Variants in NVL observed in about 807,000 individuals in gnomAD.
NVL encodes the protein nuclear valosin-containing protein-like.
In NVL, 84 loss-of-function variants were observed where a neutral mutation model predicts 110.2. The observed-to-expected ratio is 0.76, with a 90% CI of 0.64 to 0.91. The LOEUF is 0.91. Ranked by LOEUF, NVL falls within the 40% of genes least tolerant of loss-of-function variation. The pLI, the probability that NVL is intolerant of heterozygous loss-of-function variation, is 0.00. For synonymous variants in NVL, 354 were observed against 361.1 expected (o/e 0.98, Z 0.22); for missense variants, 882 against 1,035.9 (o/e 0.85, Z 2.04).
intron 17 of NVL, among the ~76,000 whole-genome samples, chr1:224,271,287 G>A (rs779011908): frequency 1.3e-5 from 2 of 152,130 alleles, no homozygotes; most frequent in Non-Finnish European, 2.9e-5. Flanking sequence ...GAGGCCAGAA[G>A]TTCAATACAA....
At chr1:224,229,414 ATC>A (rs1422071558) in intron 22 of NVL, among the ~76,000 whole-genome samples, 1 of 152,086 alleles carries the variant, frequency 6.6e-6, no homozygotes, top group Admixed American at 6.6e-5. Flanking sequence ...GTGTAGTAGA[ATC>A]TCACTGTGGT....
chr1:224,311,350 G>A (rs1669502546), intron 5 of NVL, among the ~76,000 whole-genome samples: 1 of 150,292 alleles, frequency 6.7e-6, no homozygotes, highest in Non-Finnish European at 1.5e-5. Context: ...CGTGAGCCAC[G>A]ACAGCTAGCC....
chr1:224,269,286 A>G (rs908965353), intron 17 of NVL, among the ~76,000 whole-genome samples: 10 of 151,156 alleles, frequency 6.6e-5, no homozygotes, highest in Admixed American at 2.6e-4. Context: ...TCCTGTTGCT[A>G]TATTGCCCAG....
At chr1:224,274,829 T>A (rs565221100) in intron 17 of NVL, among the ~76,000 whole-genome samples, 7 of 152,156 alleles carry the variant, frequency 4.6e-5, no homozygotes, top group Non-Finnish European at 8.8e-5. Context: ...ACACAAGTGG[T>A]ATTCAGTGCA....
intron 18 of NVL, among the ~76,000 whole-genome samples, chr1:224,261,986 A>T (rs1207764930): frequency 6.6e-6 from 1 of 152,146 alleles, no homozygotes; most frequent in Non-Finnish European, 1.5e-5. Context: ...TAAATTAAAT[A>T]AAAGAAGAGG....
rs1281349639 is a variant in NVL, at chr1:224,309,070, A to C, written c.343-807T>G. Among the ~76,000 whole-genome samples, 4 of 150,710 alleles carry C rather than the reference A, an allele frequency of 2.7e-5. No homozygotes were observed. In the East Asian group the frequency reaches 5.9e-4, roughly 22 times the overall value. ...AGCGGGACTCTGTCTCAACAAAAAA[A>C]AAAAAAAAAAAAGACTTCACTCCAT... is the stretch of plus-strand genomic sequence containing the variant. On this transcript the variant is annotated intron_variant, in intron 5 of 22. Transcript: ENST00000281701.
chr1:224,288,452 TCTTAAA>T lies in NVL; in HGVS notation c.1576-465_1576-460del, dbSNP rs575820287. Among the ~76,000 whole-genome samples the T allele has an allele frequency of 1.6e-4, 25 of 152,172 alleles. No individual in the cohort carries two copies. The East Asian group carries it at 2.7e-3, about 16-fold the overall frequency. ...AGGCAATTTTCCTATTACTATCAAA[TCTTAAA>T]CTTAAAAGGCAGATTTCTTGCTTTG... On this transcript the variant is annotated intron_variant, in intron 13 of 22. Transcript: ENST00000281701.
chr1:224,261,370 G>A (rs1663963156), intron 18 of NVL, among the ~76,000 whole-genome samples: 1 of 152,132 alleles, frequency 6.6e-6, no homozygotes, highest in Admixed American at 6.6e-5. Context: ...TATACTACTG[G>A]TAGAAAATAC....
intron 1 of NVL, among the ~76,000 whole-genome samples, chr1:224,327,162 C>G (rs1000455725): frequency 1.3e-5 from 2 of 150,520 alleles, no homozygotes; most frequent in African/African-American, 2.5e-5. Flanking sequence ...CATAAATAAG[C>G]CCGGGCGTGG....
Position 224,305,222 on chromosome 1 carries a change from T to C in NVL, c.616-56A>G, listed in dbSNP as rs1668800288. 4.6e-6 allele frequency: 7 copies of C among 1,533,622 alleles called. No individual in the cohort carries two copies. The Admixed American group carries it at 1.4e-4, about 31-fold the overall frequency. Reference sequence around the variant, plus strand: ...GCTTAAAATTCTATGCCAATAATTGTTTTACTTTTTAAAGAGGGGCATTGT... The same window carrying C: ...GCTTAAAATTCTATGCCAATAATTGCTTTACTTTTTAAAGAGGGGCATTGT... On this transcript the variant is annotated intron_variant, in intron 6 of 22. Coordinates refer to ENST00000281701, the MANE Select transcript of NVL (RefSeq NM_002533.4).
chr1:224,276,158 G>A (rs528827711), intron 16 of NVL, among the ~76,000 whole-genome samples: 1 of 152,310 alleles, frequency 6.6e-6, no homozygotes, highest in East Asian at 1.9e-4. Context: ...CAAACCAGAT[G>A]ATTAAGAAAG....
intron 15 of NVL, among the ~76,000 whole-genome samples, chr1:224,285,635 A>G (rs1255641089): frequency 1.3e-5 from 2 of 152,138 alleles, no homozygotes; most frequent in Admixed American, 1.3e-4. Context: ...TCTATTATGA[A>G]AAAACAATTT....
At chr1:224,284,639 C>G (rs1666683263) in intron 15 of NVL, among the ~76,000 whole-genome samples, 1 of 152,130 alleles carries the variant, frequency 6.6e-6, no homozygotes, top group Non-Finnish European at 1.5e-5. Flanking sequence ...CTCGGCCTCC[C>G]AAAGTGCTGG....
At chr1:224,300,127 C>T (rs1668258944) in intron 10 of NVL, among the ~76,000 whole-genome samples, 1 of 152,084 alleles carries the variant, frequency 6.6e-6, no homozygotes, top group African/African-American at 2.4e-5. Flanking sequence ...ATTATTATTG[C>T]CCTAGTTTAC....
At chr1:224,322,066 A>C (rs186760609) in intron 2 of NVL, among the ~76,000 whole-genome samples, 219 of 152,028 alleles carry the variant, frequency 1.4e-3, no homozygotes, top group African/African-American at 4.8e-3. Context: ...GGATAGAAAC[A>C]ATCTTAGTTT....
At chr1:224,240,378 T>G (rs1661049816) in intron 19 of NVL, among the ~76,000 whole-genome samples, 1 of 151,910 alleles carries the variant, frequency 6.6e-6, no homozygotes, top group Admixed American at 6.6e-5. Context: ...CAACGCTGGG[T>G]AGTTTTTGTA....
intron 19 of NVL, among the ~76,000 whole-genome samples, chr1:224,239,764 A>C (rs775148177): frequency 5.3e-5 from 8 of 152,184 alleles, no homozygotes; most frequent in Non-Finnish European, 8.8e-5. Flanking sequence ...GTATTTAATG[A>C]ACTGGCTTTG....
intron 19 of NVL, among the ~76,000 whole-genome samples, chr1:224,249,398 T>C (rs1447948295): frequency 6.6e-6 from 1 of 152,156 alleles, no homozygotes; most frequent in African/African-American, 2.4e-5. Flanking sequence ...AGTGCTGGGA[T>C]GACAGGTGTG....
intron 11 of NVL, among the ~76,000 whole-genome samples, chr1:224,295,011 G>A (rs1273579564): frequency 6.6e-6 from 1 of 152,156 alleles, no homozygotes; most frequent in Non-Finnish European, 1.5e-5. Flanking sequence ...AGCTGTTCTG[G>A]CTTAATCTAG....
Sources: gnomAD v4.1 joint callset for allele counts (sites outside exome capture counted in the v4.1 genomes callset) on GRCh38, gnomAD v4.1.1 for gene constraint, MANE v1.5 for transcripts, NCBI Gene and HGNC (gene_info 2026-07-23, HGNC 2026-07-21) for gene names.